The following SLC41A3 variants were observed in gnomAD, a reference collection of about 807,000 sequenced individuals.
SLC41A3 encodes solute carrier family 41 member 3.
Under a neutral mutation model 45.4 loss-of-function variants are expected in SLC41A3, and 44 were observed. The observed-to-expected ratio is 0.97, with a 90% CI of 0.76 to 1.25. The LOEUF (loss-of-function observed/expected upper bound fraction) is 1.25, where lower values mean the gene tolerates loss of function less well. Ranked by LOEUF, SLC41A3 falls within the 50% of genes most tolerant of loss-of-function variation. The pLI, the probability that SLC41A3 is intolerant of heterozygous loss-of-function variation, is 0.00. For missense variants in SLC41A3, 550 were observed against 600.6 expected, an observed-to-expected ratio of 0.92 and a Z score of 0.88; for synonymous variants, 256 against 252.4, an observed-to-expected ratio of 1.01 and a Z score of -0.13.
Position 126,026,777 on chromosome 3 carries a change from G to C in SLC41A3, c.454-298C>G, listed in dbSNP as rs1941390183. Among the ~76,000 whole-genome samples, 1 of 152,176 alleles carries C rather than the reference G, an allele frequency of 6.6e-6. No individual in the cohort carries two copies. The highest frequency in any genetic ancestry group is 6.5e-5 in the Admixed American group (1 of 15,284). ...TCAGGCTTTGGTCAGGGGCCACCTG[G>C]TATCTTGCTGGCAACTCCACTCTCA... On this transcript the variant is annotated intron_variant, in intron 4 of 10. Coordinates refer to ENST00000360370, the MANE Select transcript of SLC41A3 (RefSeq NM_017836.4). This position sits in a 1 kb window ranked among gnomAD's most constrained non-coding sequence, Gnocchi z 4.2.
chr3:126,026,171 C>A lies in SLC41A3; in HGVS notation c.598+164G>T. The A allele has an allele frequency of 1.8e-6, 2 of 1,099,338 alleles. 1 individual carries two copies. Among genetic ancestry groups the A allele is most frequent in the South Asian group, 3.3e-5 (2 of 60,592 alleles). 68.1% of individuals were successfully genotyped at this position (1,099,338 alleles called of 1,614,324 possible). On this transcript the variant is annotated intron_variant, in intron 5 of 10. Coordinates refer to ENST00000360370, the MANE Select transcript of SLC41A3 (RefSeq NM_017836.4). This position sits in a 1 kb window ranked among gnomAD's most constrained non-coding sequence, Gnocchi z 4.2. Reference sequence around the variant, plus strand: ...GAGGGCACAAGGTGGGCCATGAAGACCCAGCTGGCTCGTCCCACCCTGCCA... The same window carrying A: ...GAGGGCACAAGGTGGGCCATGAAGAACCAGCTGGCTCGTCCCACCCTGCCA...
chr3:126,055,004 G>A (rs750393349), intron 2 of SLC41A3, among the ~76,000 whole-genome samples: 4 of 152,114 alleles, frequency 2.6e-5, no homozygotes, highest in South Asian at 2.1e-4. Context: ...CAACTGAGAC[G>A]AGCAAGCAGA....
chr3:126,081,274 C>T (rs1296152175), intron 1 of SLC41A3, among the ~76,000 whole-genome samples: 1 of 152,176 alleles, frequency 6.6e-6, no homozygotes, highest in Non-Finnish European at 1.5e-5. Flanking sequence ...AGACAAACAT[C>T]ACATGGCCTC....
intron 1 of SLC41A3, among the ~76,000 whole-genome samples, chr3:126,079,615 T>C (rs1426878598): frequency 6.6e-6 from 1 of 152,208 alleles, no homozygotes; most frequent in Non-Finnish European, 1.5e-5. Context: ...AGATACATTA[T>C]GTTTGAGGAA....
At chr3:126,049,853 G>C (rs975154494) in intron 3 of SLC41A3, among the ~76,000 whole-genome samples, 4 of 152,204 alleles carry the variant, frequency 2.6e-5, no homozygotes, top group African/African-American at 4.8e-5. Flanking sequence ...AGCTCTAGGG[G>C]AGAATCTGTT....
At chr3:126,043,375 GC>G (rs1245539791) in intron 3 of SLC41A3, among the ~76,000 whole-genome samples, 2 of 152,072 alleles carry the variant, frequency 1.3e-5, no homozygotes, top group Non-Finnish European at 2.9e-5. Flanking sequence ...TACTAGATCT[GC>G]CCTACAAGAA....
In SLC41A3 at chr3:126,026,101, G is replaced by A. The variant is rs968786971; in HGVS notation, c.598+234C>T. Among the ~76,000 whole-genome samples the A allele has an allele frequency of 6.6e-6, 1 of 152,214 alleles. No individual in the cohort carries two copies. The highest frequency in any genetic ancestry group is 2.4e-5 in the African/African-American group (1 of 41,450). On this transcript the variant is annotated intron_variant, in intron 5 of 10. Transcript: ENST00000360370. This position sits in a 1 kb window ranked among gnomAD's most constrained non-coding sequence, Gnocchi z 4.2. ...GGGACAGGTCTTTACACAGCAGAGA[G>A]CAGAGGCGAGTGGTGGCAGGAGCGG...
At chr3:126,068,937 A>G (rs1271734588) in intron 1 of SLC41A3, among the ~76,000 whole-genome samples, 2 of 152,166 alleles carry the variant, frequency 1.3e-5, no homozygotes, top group African/African-American at 2.4e-5. Context: ...AGTTAGTAGA[A>G]AACAATTATA....
In SLC41A3 at chr3:126,081,253, C is replaced by T. The variant is rs547457127; in HGVS notation, c.-28+2840G>A. On this transcript the variant is annotated intron_variant, in intron 1 of 10. Transcript: ENST00000360370. ...GGTCATTACATTCAGTGAAATAAGC[C>T]GTGGACAGAAAGACAAACATCACAT... Among the ~76,000 whole-genome samples, 38 of 152,228 alleles carry T rather than the reference C, an allele frequency of 2.5e-4. 1 individual carries two copies. Among genetic ancestry groups the T allele is most frequent in the African/African-American group, 8.2e-4 (34 of 41,530 alleles).
At chr3:126,073,124 GAGAGGAGAA>G (rs934082773) in intron 1 of SLC41A3, 1 of 152,224 alleles carries the variant, frequency 6.6e-6, no homozygotes, top group Non-Finnish European at 1.5e-5. Context: ...AACAGAGGGT[GAGAGGAGAA>G]AGAGGATCAA....
At chr3:126,082,712 G>A (rs543981285) in intron 1 of SLC41A3, among the ~76,000 whole-genome samples, 29 of 152,320 alleles carry the variant, frequency 1.9e-4, no homozygotes, top group East Asian at 9.7e-4. Flanking sequence ...GCCTCTAGGC[G>A]CCCCGTCAGC....
At chr3:126,095,495 C>A in intron 1 of SLC41A3, 1 of 434,352 alleles carries the variant, frequency 2.3e-6, no homozygotes, top group Non-Finnish European at 4.1e-6. Flanking sequence ...AGTATTCCTT[C>A]AACAAGGGCT....
At chr3:126,083,437 GA>G (rs1162061798) in intron 1 of SLC41A3, among the ~76,000 whole-genome samples, 1 of 152,216 alleles carries the variant, frequency 6.6e-6, no homozygotes, top group Non-Finnish European at 1.5e-5. Context: ...GGATTTTAAA[GA>G]GACCTATCCC....
intron 1 of SLC41A3, among the ~76,000 whole-genome samples, chr3:126,071,797 G>T (rs1944632523): frequency 6.7e-6 from 1 of 150,070 alleles, no homozygotes; most frequent in Non-Finnish European, 1.5e-5. Flanking sequence ...TTGAGATAGG[G>T]TCTTATTCTG....
intron 2 of SLC41A3, among the ~76,000 whole-genome samples, chr3:126,062,089 AT>A (rs1210992911): frequency 6.5e-4 from 99 of 152,194 alleles, no homozygotes; most frequent in Admixed American, 6.3e-3. Context: ...AAGGAGGGAA[AT>A]TTATTATGTG....
chr3:126,021,154 A>C (rs575036386), intron 6 of SLC41A3, among the ~76,000 whole-genome samples: 1 of 152,226 alleles, frequency 6.6e-6, no homozygotes, highest in Admixed American at 6.5e-5. Context: ...TTGGCCTCCC[A>C]AAGTGCTGGG....
intron 1 of SLC41A3, among the ~76,000 whole-genome samples, chr3:126,068,879 T>G (rs566230876): frequency 1.6e-4 from 25 of 152,288 alleles, no homozygotes; most frequent in African/African-American, 5.8e-4. Flanking sequence ...TGTCTGTATT[T>G]AACCCCACTT....
In SLC41A3 at chr3:126,035,477, C is replaced by G. The variant is rs1241665417; in HGVS notation, c.382-1799G>C. ...CAGACCGCTACCTAAGAGAAACAATCCTGACGCTTGTCAAAAACAGCAGAG... is the reference window on the plus strand; with the variant it reads ...CAGACCGCTACCTAAGAGAAACAATGCTGACGCTTGTCAAAAACAGCAGAG... On this transcript the variant is annotated intron_variant, in intron 3 of 10. Transcript: ENST00000360370. Among the ~76,000 whole-genome samples, 2 of 152,154 alleles carry G rather than the reference C, an allele frequency of 1.3e-5. 1 individual carries two copies. The highest frequency in any genetic ancestry group is 3.8e-4 in the East Asian group (2 of 5,196).
intron 1 of SLC41A3, among the ~76,000 whole-genome samples, chr3:126,093,388 C>T (rs2108134216): frequency 6.6e-6 from 1 of 152,306 alleles, no homozygotes; most frequent in South Asian, 2.1e-4. Context: ...CTGTCCTGGG[C>T]CCCATTCCAA....
Sources: allele counts gnomAD v4.1 joint callset (sites outside exome capture counted in the v4.1 genomes callset), GRCh38; gene constraint gnomAD v4.1.1; non-coding constraint Gnocchi (gnomAD v3.1); transcripts MANE v1.5; gene names NCBI Gene and HGNC (gene_info 2026-07-23, HGNC 2026-07-21).